The following ATXN7L1 variants were observed in gnomAD, a reference collection of about 807,000 sequenced individuals.
ATXN7L1 encodes ataxin-7-like protein 1.
A neutral mutation model predicts 70.8 loss-of-function variants in ATXN7L1; 15 were observed. The ratio of observed to expected loss-of-function variants is 0.21; its 90% CI spans 0.14 to 0.33. The LOEUF (loss-of-function observed/expected upper bound fraction) is 0.33, where lower values mean the gene tolerates loss of function less well. Ranked by LOEUF, ATXN7L1 falls within the 10% of genes least tolerant of loss-of-function variation. The pLI is 1.00. For synonymous variants in ATXN7L1, 440 were observed against 445.1 expected, an observed-to-expected ratio of 0.99 and a Z score of 0.14; for missense variants, 975 against 1,097.1, an observed-to-expected ratio of 0.89 and a Z score of 1.57.
rs547859423 is a variant in ATXN7L1 at position 105,819,694 on chromosome 7, G to A, written c.251-30986C>T. The A allele has an allele frequency of 7.5e-5, 69 of 922,424 alleles. No homozygotes were observed. The South Asian group carries it at 8.4e-4, about 11-fold the overall frequency. 57.1% of individuals were successfully genotyped at this position (922,424 alleles called of 1,614,324 possible). On this transcript the variant is annotated intron_variant, in intron 2 of 11. Coordinates refer to ENST00000419735, the MANE Select transcript of ATXN7L1 (RefSeq NM_020725.2). ...AAGCAGATGAACACCAACCCTTCCC[G>A]AGGCCCCTACCACTTCCGGGCCTCT...
rs186921796 is a variant in ATXN7L1, at chr7:105,677,524, C to T, written c.356-12236G>A. On this transcript the variant is annotated intron_variant, in intron 3 of 11. Transcript: ENST00000419735. ...GTCCTGTTTACTCTTTTATCTCCAG[C>T]GTTTAGCACAGGGTTTTGCCCTCAA... is the stretch of plus-strand genomic sequence containing the variant. Among the ~76,000 whole-genome samples the T allele has an allele frequency of 2.6e-4, 40 of 152,294 alleles. 1 individual carries two copies. The highest frequency in any genetic ancestry group is 2.5e-3 in the Admixed American group (38 of 15,300).
chr7:105,794,146 C>A (rs965191582), intron 2 of ATXN7L1, among the ~76,000 whole-genome samples: 1 of 152,126 alleles, frequency 6.6e-6, no homozygotes, highest in Non-Finnish European at 1.5e-5. Context: ...AAGTTCAGGA[C>A]TGTTCAATGG....
At chr7:105,674,433 C>T (rs1280858910) in intron 3 of ATXN7L1, among the ~76,000 whole-genome samples, 1 of 152,186 alleles carries the variant, frequency 6.6e-6, no homozygotes, top group East Asian at 1.9e-4. Flanking sequence ...GGTATGATAC[C>T]GTTAGTTGCC....
chr7:105,641,312 G>T (rs1798208093), intron 5 of ATXN7L1, among the ~76,000 whole-genome samples: 1 of 105,742 alleles, frequency 9.5e-6, no homozygotes, highest in East Asian at 2.7e-4. Flanking sequence ...TCTCTGGCCA[G>T]GCTGCCTGGT....
intron 2 of ATXN7L1, among the ~76,000 whole-genome samples, chr7:105,862,084 CT>C (rs1458125169): frequency 6.6e-6 from 1 of 152,136 alleles, no homozygotes; most frequent in East Asian, 1.9e-4. Flanking sequence ...AGTCTGGGGA[CT>C]TGGCTAACAG....
rs757502327 is a variant in ATXN7L1, at chr7:105,739,259, C to G, written c.355+49345G>C. ...CATTTTAAAAAATGGGTTCAAATCCCATTTTTAATGGCAAAAACCACAATT... is the reference window on the plus strand; with the variant it reads ...CATTTTAAAAAATGGGTTCAAATCCGATTTTTAATGGCAAAAACCACAATT... On this transcript the variant is annotated intron_variant, in intron 3 of 11. Transcript: ENST00000419735. Among the ~76,000 whole-genome samples the G allele has an allele frequency of 5.5e-4, 83 of 152,172 alleles. 2 individuals are homozygous for G. Among genetic ancestry groups the G allele is most frequent in the Non-Finnish European group, 2.4e-4 (16 of 68,032 alleles).
At chr7:105,834,028 T>C (rs1036624449) in intron 2 of ATXN7L1, among the ~76,000 whole-genome samples, 1 of 152,188 alleles carries the variant, frequency 6.6e-6, no homozygotes, top group Non-Finnish European at 1.5e-5. Context: ...ATGTCATCAT[T>C]GTCTTTGTTT....
Position 105,614,348 on chromosome 7 carries a change from C to T in ATXN7L1, c.1986G>A (p.Leu662=). 6.4e-7 allele frequency: 1 copy of T among 1,552,300 alleles called. No homozygotes were observed. The change falls in exon 10 of 12, where the codon TTG becomes TTA. Residue 662 remains leucine, a synonymous_variant. Coordinates refer to ENST00000419735, the MANE Select transcript of ATXN7L1 (RefSeq NM_020725.2). The surrounding 1 kb of genome is among the most constrained non-coding windows in gnomAD (Gnocchi z 4.3). The stretch of plus-strand genomic sequence containing the variant: ...ACAGTGGAGACGAGAGGGATGTCTG[C>T]AAGGAAGAGGAGGAGGAGGAGGAGG... ...SSSSSSSSSS[L]QTSLSSPLSG... is the part of the protein sequence containing the mutation.
chr7:105,663,892 C>G (rs62487038), intron 4 of ATXN7L1, among the ~76,000 whole-genome samples: 1 of 152,090 alleles, frequency 6.6e-6, no homozygotes, highest in African/African-American at 2.4e-5. Flanking sequence ...GCCTCAGCCT[C>G]CCCAGTAGCT....
rs993534504 is a variant in ATXN7L1, at chr7:105,667,415, A to C, written c.356-2127T>G. On this transcript the variant is annotated intron_variant, in intron 3 of 11. Coordinates refer to ENST00000419735, the MANE Select transcript of ATXN7L1 (RefSeq NM_020725.2). ...TAGAACTGTATCTTAAAAGTCAACT[A>C]GTGGCCGGGCGCGGTGGCTCACGCC... Among the ~76,000 whole-genome samples, 7 of 143,666 alleles carry C rather than the reference A, an allele frequency of 4.9e-5. 1 individual carries two copies. The highest frequency in any genetic ancestry group is 1.1e-4 in the Non-Finnish European group (7 of 65,214). 94.3% of individuals were successfully genotyped at this position (143,666 alleles called of 152,430 possible).
Position 105,639,545 on chromosome 7 carries a change from T to A in ATXN7L1, c.887A>T (p.His296Leu). The change falls in exon 6 of 12, where the codon CAC (histidine) becomes CTC (leucine). Residue 296 changes from histidine to leucine, a missense_variant. By Grantham distance (99) the His-to-Leu change is moderately conservative (BLOSUM62 -3). Transcript: ENST00000419735. ...TGTCTCGGGATCCAATACTCCACAG[T>A]GTTTATTTGGGTCAAATTCTCTCTC... is the stretch of plus-strand genomic sequence containing the variant. ...LSEREFDPNK[H>L]CGVLDPETKK... 2 of 1,551,378 alleles carry A rather than the reference T, an allele frequency of 1.3e-6. No homozygotes were observed. Among genetic ancestry groups the A allele is most frequent in the Non-Finnish European group, 1.7e-6 (2 of 1,146,780 alleles).
intron 3 of ATXN7L1, among the ~76,000 whole-genome samples, chr7:105,712,322 C>T (rs1260601056): frequency 6.6e-6 from 1 of 152,228 alleles, no homozygotes; most frequent in Non-Finnish European, 1.5e-5. Flanking sequence ...ACATTCAGCT[C>T]CTCTTTAATT....
chr7:105,843,352 G>A (rs1429268427), intron 2 of ATXN7L1, among the ~76,000 whole-genome samples: 1 of 152,254 alleles, frequency 6.6e-6, no homozygotes, highest in African/African-American at 2.4e-5. Context: ...GATGGTCTGA[G>A]ATGCTCAGCT....
chr7:105,816,773 T>C (rs1809262003), intron 2 of ATXN7L1, among the ~76,000 whole-genome samples: 1 of 152,240 alleles, frequency 6.6e-6, no homozygotes. Flanking sequence ...AGTTCTAAGC[T>C]AAGTTCTCTA....
At chr7:105,745,497 G>C (rs1798484226) in intron 3 of ATXN7L1, among the ~76,000 whole-genome samples, 2 of 152,198 alleles carry the variant, frequency 1.3e-5, no homozygotes, top group Admixed American at 6.5e-5. Context: ...GGAAGGAAAG[G>C]TCCTCAGAGA....
chr7:105,738,574 A>G (rs1797670087), intron 3 of ATXN7L1, among the ~76,000 whole-genome samples: 1 of 152,232 alleles, frequency 6.6e-6, no homozygotes, highest in East Asian at 1.9e-4. Flanking sequence ...TGAATTATGT[A>G]CTATTCTTAT....
intron 3 of ATXN7L1, among the ~76,000 whole-genome samples, chr7:105,766,684 C>T (rs75858860): frequency 0.029 from 4,365 of 152,280 alleles, 194 homozygotes; most frequent in African/African-American, 0.1. Context: ...CCAAGGGAAA[C>T]CGCTGGGATT....
At chr7:105,718,171 C>T (rs1011079486) in intron 3 of ATXN7L1, among the ~76,000 whole-genome samples, 10 of 152,136 alleles carry the variant, frequency 6.6e-5, no homozygotes, top group Non-Finnish European at 1.5e-4. Context: ...CATGATAGAG[C>T]GGCACCTTGG....
chr7:105,680,179 C>G (rs1805348594), intron 3 of ATXN7L1, among the ~76,000 whole-genome samples: 1 of 152,146 alleles, frequency 6.6e-6, no homozygotes, highest in African/African-American at 2.4e-5. Context: ...ACAGCACTCC[C>G]TCACGTCATG....
Sources: allele counts gnomAD v4.1 joint callset (sites outside exome capture counted in the v4.1 genomes callset), GRCh38; gene constraint gnomAD v4.1.1; non-coding constraint Gnocchi (gnomAD v3.1); transcripts MANE v1.5; gene names NCBI Gene and HGNC (gene_info 2026-07-23, HGNC 2026-07-21).